TMEM177: variants seen among roughly 807,000 people sequenced by gnomAD.
TMEM177 encodes transmembrane protein 177.
In TMEM177, 4 loss-of-function variants were observed where a neutral mutation model predicts 14.2. The observed-to-expected ratio is 0.28, with a 90% CI of 0.14 to 0.64. TMEM177 has a LOEUF of 0.64. Among genes scored for constraint, TMEM177 ranks in the 30% least tolerant of loss-of-function variants. The probability of loss-of-function intolerance (pLI) is 0.82; values close to 1 mark genes in which losing one functional copy is unlikely to be tolerated. For missense variants in TMEM177, 344 were observed against 405.2 expected, an observed-to-expected ratio of 0.85 and a Z score of 1.30; for synonymous variants, 179 against 174.5, an observed-to-expected ratio of 1.03 and a Z score of -0.20.
At chr2:119,704,762 T>C in the TMEM177 span, among the ~76,000 whole-genome samples, 1 of 152,210 alleles carries the variant, frequency 6.6e-6, no homozygotes, top group Non-Finnish European at 1.5e-5. Flanking sequence ...TGGGAGGAGC[T>C]GACTTAATTT....
At chr2:119,712,367 C>T in the TMEM177 span, among the ~76,000 whole-genome samples, 2 of 151,992 alleles carry the variant, frequency 1.3e-5, no homozygotes, top group Non-Finnish European at 2.9e-5. Context: ...TATGTTGAAG[C>T]CTGAACCCCC....
At chr2:119,700,443 G>T in the TMEM177 span, among the ~76,000 whole-genome samples, 1 of 152,168 alleles carries the variant, frequency 6.6e-6, no homozygotes, top group Non-Finnish European at 1.5e-5. Context: ...CACATGGAGA[G>T]AATGCCCCAT....
At chr2:119,702,497 T>C in the TMEM177 span, among the ~76,000 whole-genome samples, 4 of 152,104 alleles carry the variant, frequency 2.6e-5, no homozygotes, top group East Asian at 5.8e-4. Flanking sequence ...TACATAAGAG[T>C]TCCTTTGTTC....
At chr2:119,706,531 A>T in the TMEM177 span, among the ~76,000 whole-genome samples, 5 of 152,292 alleles carry the variant, frequency 3.3e-5, no homozygotes, top group South Asian at 1.0e-3. Context: ...CTTCCTTGGT[A>T]ACTGACTTTG....
downstream of TMEM177, among the ~76,000 whole-genome samples, chr2:119,683,475 A>G (rs1214053375): frequency 6.6e-6 from 1 of 152,174 alleles, no homozygotes; most frequent in Admixed American, 6.5e-5. Context: ...ATTCCTGAGC[A>G]GTACGGTCTG....
chr2:119,712,204 A>G, the TMEM177 span, among the ~76,000 whole-genome samples: 14 of 151,290 alleles, frequency 9.3e-5, no homozygotes, highest in Non-Finnish European at 1.9e-4. Flanking sequence ...TGGAGATAGC[A>G]CCTCACTTTG....
the TMEM177 span, among the ~76,000 whole-genome samples, chr2:119,716,659 T>C: frequency 1.3e-5 from 2 of 152,280 alleles, no homozygotes; most frequent in East Asian, 1.9e-4. Context: ...CTGAAGACTT[T>C]CCAGGGAAAT....
the TMEM177 span, among the ~76,000 whole-genome samples, chr2:119,706,019 A>ATATATTAAATATTATATATT: frequency 2.9e-5 from 4 of 136,236 alleles, no homozygotes; most frequent in Non-Finnish European, 6.1e-5. Flanking sequence ...TATTATATAT[A>ATATATTAAATATTATATATT]TTTATATATA....
At chr2:119,712,110 G>A in the TMEM177 span, among the ~76,000 whole-genome samples, 6 of 152,076 alleles carry the variant, frequency 3.9e-5, no homozygotes, top group East Asian at 1.9e-4. Context: ...AGGCGTTGGC[G>A]TTAAGGCACC....
chr2:119,715,849 G>A, the TMEM177 span, among the ~76,000 whole-genome samples: 96 of 152,306 alleles, frequency 6.3e-4, 1 homozygote, highest in African/African-American at 1.9e-3. Flanking sequence ...TTGTTAAGTC[G>A]GATTCCCCAG....
the TMEM177 span, among the ~76,000 whole-genome samples, chr2:119,720,311 G>A: frequency 6.7e-5 from 10 of 148,808 alleles, no homozygotes; most frequent in African/African-American, 2.0e-4. Context: ...TTTCCCTCTT[G>A]TTACCCAGGC....
the TMEM177 span, among the ~76,000 whole-genome samples, chr2:119,705,894 T>A: frequency 6.6e-6 from 1 of 151,120 alleles, no homozygotes; most frequent in Non-Finnish European, 1.5e-5. Flanking sequence ...CCTTCCATGT[T>A]ATCTACTTGC....
the TMEM177 span, among the ~76,000 whole-genome samples, chr2:119,700,744 T>A: frequency 1.3e-4 from 20 of 152,224 alleles, no homozygotes; most frequent in Non-Finnish European, 2.6e-4. Context: ...GTCTCCTGGC[T>A]CCTAGGCAAG....
the TMEM177 span, among the ~76,000 whole-genome samples, chr2:119,706,019 A>ATATATTATACATTATATATT: frequency 7.3e-6 from 1 of 136,236 alleles, no homozygotes; most frequent in Non-Finnish European, 1.5e-5. Context: ...TATTATATAT[A>ATATATTATACATTATATATT]TTTATATATA....
At chr2:119,715,985 A>T in the TMEM177 span, among the ~76,000 whole-genome samples, 5 of 152,214 alleles carry the variant, frequency 3.3e-5, no homozygotes, top group Non-Finnish European at 7.3e-5. Flanking sequence ...ACCCACACCC[A>T]GGCATGTGAC....
chr2:119,722,716 A>G, the TMEM177 span, among the ~76,000 whole-genome samples: 1 of 152,226 alleles, frequency 6.6e-6, no homozygotes, highest in Admixed American at 6.5e-5. Context: ...TAGGCACACA[A>G]ATATAGTTCT....
the TMEM177 span, among the ~76,000 whole-genome samples, chr2:119,707,519 T>C: frequency 6.6e-6 from 1 of 152,194 alleles, no homozygotes; most frequent in Admixed American, 6.5e-5. Context: ...GAAACGTTCT[T>C]GGTTTCTTTG....
At chr2:119,708,654 C>CAT in the TMEM177 span, among the ~76,000 whole-genome samples, 1 of 150,814 alleles carries the variant, frequency 6.6e-6, no homozygotes, top group Non-Finnish European at 1.5e-5. Context: ...GACACACACA[C>CAT]ACACACACAC....
chr2:119,716,967 T>C, the TMEM177 span, among the ~76,000 whole-genome samples: 1 of 152,206 alleles, frequency 6.6e-6, no homozygotes, highest in Non-Finnish European at 1.5e-5. Context: ...AATCGAGAGA[T>C]GATGAACATG....
Sources: allele counts gnomAD v4.1 joint callset (sites outside exome capture counted in the v4.1 genomes callset), GRCh38; gene constraint gnomAD v4.1.1; transcripts MANE v1.5; gene names NCBI Gene and HGNC (gene_info 2026-07-23, HGNC 2026-07-21).